CRHR2: variants seen among roughly 807,000 people sequenced by gnomAD.
CRHR2 encodes corticotropin releasing hormone receptor 2.
In CRHR2, 53 loss-of-function variants were observed where a neutral mutation model predicts 57.9. The ratio of observed to expected loss-of-function variants is 0.92; its 90% CI spans 0.73 to 1.15. The LOEUF (loss-of-function observed/expected upper bound fraction) is 1.15, where lower values mean the gene tolerates loss of function less well. Ranked by LOEUF, CRHR2 falls within the 50% of genes most tolerant of loss-of-function variation. CRHR2 has a pLI of 0.00. For missense variants in CRHR2, 532 were observed against 542.6 expected, an observed-to-expected ratio of 0.98 and a Z score of 0.19; for synonymous variants, 213 against 220.9, an observed-to-expected ratio of 0.96 and a Z score of 0.32.
At chr7:30,686,300 G>A (rs1306150062), upstream of CRHR2, 1 of 1,401,654 alleles carries the variant, frequency 7.1e-7, no homozygotes, top group African/African-American at 1.4e-5. Flanking sequence ...CCCAAGGGCA[G>A]GGCTGGTCCT....
chr7:30,681,126 C>T (rs943489301), intron 2 of CRHR2, among the ~76,000 whole-genome samples: 4 of 152,116 alleles, frequency 2.6e-5, no homozygotes, highest in East Asian at 1.9e-4. Context: ...CCACACTGAA[C>T]GACCCCACCT....
rs1369971739 is a variant in CRHR2 at position 30,656,060 on chromosome 7, GT to G, written c.832-49del. 4 of 1,574,514 alleles carry G rather than the reference GT, an allele frequency of 2.5e-6. No individual in the cohort carries two copies. The African/African-American group carries it at 5.4e-5, about 21-fold the overall frequency. ...AAAGAGGGAAAAGGAAGGAGCACGT[GT>G]TTGAGATGAGCCGAGAGGCAGCCCC... On this transcript the variant is annotated intron_variant, in intron 8 of 11. Coordinates refer to ENST00000471646, the MANE Select transcript of CRHR2 (RefSeq NM_001883.5). This position sits in a 1 kb window ranked among gnomAD's most constrained non-coding sequence, Gnocchi z 4.4.
At chr7:30,693,370 T>C (rs986527074) in intron 1 of CRHR2, among the ~76,000 whole-genome samples, 3 of 152,094 alleles carry the variant, frequency 2.0e-5, no homozygotes, top group Non-Finnish European at 2.9e-5. Flanking sequence ...TTAATATGCC[T>C]CTGTAATGGA....
At chr7:30,683,529 C>T (rs1294096349), upstream of CRHR2, among the ~76,000 whole-genome samples, 1 of 152,166 alleles carries the variant, frequency 6.6e-6, no homozygotes, top group Admixed American at 6.5e-5. Flanking sequence ...GGGCATTGGG[C>T]TCGGGAAGCA....
intron 2 of CRHR2, among the ~76,000 whole-genome samples, chr7:30,680,998 G>C (rs948411641): frequency 6.6e-6 from 1 of 152,066 alleles, no homozygotes; most frequent in Non-Finnish European, 1.5e-5. Context: ...TATCAGGGGG[G>C]TTCTAGGTGG....
chr7:30,666,061 A>G (rs1161273135), intron 3 of CRHR2, among the ~76,000 whole-genome samples: 1 of 152,084 alleles, frequency 6.6e-6, no homozygotes, highest in Non-Finnish European at 1.5e-5. Flanking sequence ...TTTGAGAGGT[A>G]TGGGTACAGA....
chr7:30,690,099 T>C (rs1188377296), intron 1 of CRHR2, among the ~76,000 whole-genome samples: 2 of 152,174 alleles, frequency 1.3e-5, no homozygotes, highest in Non-Finnish European at 2.9e-5. Context: ...AAAGTAGATG[T>C]GGGCATGTGC....
chr7:30,664,028 C>G (rs143064359), intron 5 of CRHR2, among the ~76,000 whole-genome samples: 1 of 152,320 alleles, frequency 6.6e-6, no homozygotes, highest in East Asian at 1.9e-4. Context: ...GGGAAGCTAC[C>G]AAGCCCCTCC....
At chr7:30,678,125 G>A (rs1170023110) in intron 2 of CRHR2, among the ~76,000 whole-genome samples, 1 of 152,138 alleles carries the variant, frequency 6.6e-6, no homozygotes, top group Non-Finnish European at 1.5e-5. Context: ...CTTGGCTTGG[G>A]GCCCCAAATC....
In CRHR2 at chr7:30,665,684, T is replaced by TG. The variant is rs1313321045; in HGVS notation, c.316-46dup. 1 of 1,499,148 alleles carries TG rather than the reference T, an allele frequency of 6.7e-7. No individual in the cohort carries two copies. The allele number at this position is 1,499,148 out of a possible 1,614,324, so 92.9% of individuals were successfully genotyped here. ...CAGGGCAGATGGAGGCATGGGCACG[T>TG]GGGGGTGGGGCTGGGTATTCCAGCC... On this transcript the variant is annotated intron_variant, in intron 3 of 11. Transcript: ENST00000471646. This position sits in a 1 kb window ranked among gnomAD's most constrained non-coding sequence, Gnocchi z 4.5.
intron 2 of CRHR2, among the ~76,000 whole-genome samples, chr7:30,675,213 C>T (rs1238898062): frequency 1.3e-5 from 2 of 152,214 alleles, no homozygotes; most frequent in African/African-American, 4.8e-5. Flanking sequence ...GCCCAAATGC[C>T]TGTACCTGGG....
rs1783676896 is a variant in CRHR2 at position 30,653,915 on chromosome 7, A to C, written c.1096-315T>G. ...ACCTCAAAATTAGCATCTTGGGACC[A>C]GAGAGCGCAGCTTGGAGACTTGGCC... On this transcript the variant is annotated intron_variant, in intron 11 of 11. Transcript: ENST00000471646. The surrounding 1 kb of genome is among the most constrained non-coding windows in gnomAD (Gnocchi z 5.0). Among the ~76,000 whole-genome samples the C allele has an allele frequency of 6.6e-6, 1 of 152,138 alleles. No homozygotes were observed.
At chr7:30,698,577 A>C (rs951221167) in intron 1 of CRHR2, among the ~76,000 whole-genome samples, 5 of 152,240 alleles carry the variant, frequency 3.3e-5, no homozygotes, top group African/African-American at 1.2e-4. Context: ...TCCCAATTGC[A>C]GTCTGCAAAG....
At chr7:30,683,264 A>G (rs1784782666), upstream of CRHR2, among the ~76,000 whole-genome samples, 1 of 152,172 alleles carries the variant, frequency 6.6e-6, no homozygotes, top group South Asian at 2.1e-4. Context: ...AGAAAGAATA[A>G]AGGAAGAAGT....
intron 7 of CRHR2, 48 bp downstream of exon 7, chr7:30,662,108 C>A (rs747542506): frequency 6.2e-7 from 1 of 1,602,076 alleles, no homozygotes; most frequent in South Asian, 1.1e-5. Context: ...TGTCCTAACA[C>A]CCCCATTCCC....
At chr7:30,667,405 AC>A in intron 2 of CRHR2, 92 bp from the exon 3 acceptor site, 10 of 986,910 alleles carry the variant, frequency 1.0e-5, no homozygotes, top group Non-Finnish European at 9.5e-6. Context: ...AGGTGTACGC[AC>A]CTCAGCTCTC....
chr7:30,678,579 C>T (rs1368175598), intron 2 of CRHR2, among the ~76,000 whole-genome samples: 1 of 152,194 alleles, frequency 6.6e-6, no homozygotes, highest in Non-Finnish European at 1.5e-5. Flanking sequence ...CAAACTCACA[C>T]ACTGTAGCTA....
chr7:30,673,199 C>T (rs1784419053), intron 2 of CRHR2, among the ~76,000 whole-genome samples: 1 of 151,868 alleles, frequency 6.6e-6, no homozygotes, highest in Non-Finnish European at 1.5e-5. Context: ...GACTTTGAGT[C>T]ACCTTTCTTA....
At chr7:30,673,407 G>A (rs769230254) in intron 2 of CRHR2, among the ~76,000 whole-genome samples, 22 of 151,794 alleles carry the variant, frequency 1.4e-4, no homozygotes, top group Admixed American at 1.1e-3. Flanking sequence ...TTGTAGAAAC[G>A]GGGTCTCACT....
Sources: gnomAD v4.1 joint callset for allele counts (sites outside exome capture counted in the v4.1 genomes callset) on GRCh38, gnomAD v4.1.1 for gene constraint, Gnocchi (gnomAD v3.1) non-coding constraint, MANE v1.5 for transcripts, NCBI Gene and HGNC (gene_info 2026-07-23, HGNC 2026-07-21) for gene names.